The following GPC5 variants were observed in gnomAD, a reference collection of about 807,000 sequenced individuals.
GPC5 encodes glypican-5.
Under a neutral mutation model 53.9 loss-of-function variants are expected in GPC5, and 47 were observed. The observed-to-expected ratio is 0.87, with a 90% CI of 0.69 to 1.11. The LOEUF (loss-of-function observed/expected upper bound fraction) is 1.11. Ranked by LOEUF, GPC5 falls within the 50% of genes most tolerant of loss-of-function variation. The probability of loss-of-function intolerance (pLI) is 0.00; values close to 1 mark genes in which losing one functional copy is unlikely to be tolerated. For synonymous variants in GPC5, 286 were observed against 263.3 expected, an observed-to-expected ratio of 1.09 and a Z score of -0.84; for missense variants, 748 against 713.1, an observed-to-expected ratio of 1.05 and a Z score of -0.56.
At chr13:92,497,907 A>G (rs1243341364) in intron 7 of GPC5, among the ~76,000 whole-genome samples, 23 of 151,942 alleles carry the variant, frequency 1.5e-4, no homozygotes, top group Admixed American at 1.4e-3. Flanking sequence ...TATTCTTGGT[A>G]TATAGGAATG....
chr13:91,872,133 A>G (rs1055453717), intron 5 of GPC5, among the ~76,000 whole-genome samples: 15 of 152,120 alleles, frequency 9.9e-5, no homozygotes, highest in Non-Finnish European at 1.9e-4. Context: ...ACTAGAAGAC[A>G]GTGACAGTGC....
intron 2 of GPC5, among the ~76,000 whole-genome samples, chr13:91,572,063 A>ATG (rs1177720739): frequency 7.7e-6 from 1 of 129,800 alleles, no homozygotes; most frequent in African/African-American, 4.0e-5. Flanking sequence ...GTATATATAC[A>ATG]TGTATATACA....
intron 2 of GPC5, among the ~76,000 whole-genome samples, chr13:91,617,171 T>C (rs72632629): frequency 0.049 from 7,405 of 152,294 alleles, 374 homozygotes; most frequent in South Asian, 0.23. Flanking sequence ...ACTTTGCCTT[T>C]TAGGTGTTCA....
intron 7 of GPC5, among the ~76,000 whole-genome samples, chr13:92,147,616 C>T (rs1484115130): frequency 6.6e-6 from 1 of 152,008 alleles, no homozygotes; most frequent in Non-Finnish European, 1.5e-5. Context: ...ACCTGGGTTT[C>T]AATTACTGCT....
At chr13:91,924,692 GATTATGCCACTGC>G (rs2039749829) in intron 6 of GPC5, among the ~76,000 whole-genome samples, 1 of 152,224 alleles carries the variant, frequency 6.6e-6, no homozygotes, top group Admixed American at 6.5e-5. Context: ...GGTGAGCCGT[GATTATGCCACTGC>G]ATTCCAGCCT....
rs1255625023 is a variant in GPC5, at chr13:92,246,537, A to G, written c.1561+101548A>G. 7.9e-5 allele frequency among the ~76,000 whole-genome samples: 12 copies of G among 152,106 alleles called. No individual in the cohort carries two copies. The South Asian group carries it at 1.2e-3, about 16-fold the overall frequency. ...TTTACAAACCATCCTGTCAGTAGAT[A>G]TTATTGCCATACAGAAGACTTGGAA... On this transcript the variant is annotated intron_variant, in intron 7 of 7. Transcript: ENST00000377067.
chr13:92,072,851 A>G (rs1378634475), intron 6 of GPC5, among the ~76,000 whole-genome samples: 2 of 152,160 alleles, frequency 1.3e-5, no homozygotes, highest in Non-Finnish European at 1.5e-5. Context: ...GATTACAGGC[A>G]TGAAGCACCA....
At chr13:92,527,114 AAG>A (rs1491308293) in intron 7 of GPC5, among the ~76,000 whole-genome samples, 1 of 68,916 alleles carries the variant, frequency 1.5e-5, no homozygotes, top group African/African-American at 5.5e-5. Flanking sequence ...AGAAAAAAGA[AAG>A]AAAGAAAGAA....
At chr13:91,541,449 A>G (rs1384540565) in intron 2 of GPC5, among the ~76,000 whole-genome samples, 1 of 152,122 alleles carries the variant, frequency 6.6e-6, no homozygotes, top group Non-Finnish European at 1.5e-5. Flanking sequence ...ACTAGGTTTC[A>G]TGTGAGGGCA....
chr13:91,612,195 G>A (rs1228207782), intron 2 of GPC5, among the ~76,000 whole-genome samples: 1 of 152,140 alleles, frequency 6.6e-6, no homozygotes, highest in African/African-American at 2.4e-5. Flanking sequence ...ATCTCTTCTT[G>A]TAAGTGATAA....
In GPC5 at chr13:91,974,073, C is replaced by G. The variant is rs550177284; in HGVS notation, c.1401+66016C>G. On this transcript the variant is annotated intron_variant, in intron 6 of 7. Transcript: ENST00000377067. ...CTGTCTTTTCGTTTGTCTTTGCCCT[C>G]CCCCAGAGGTGGAATCTACAGAGGC... Among the ~76,000 whole-genome samples the G allele has an allele frequency of 2.0e-5, 3 of 152,300 alleles. No homozygotes were observed. In the East Asian group the frequency reaches 5.8e-4, roughly 29 times the overall value.
At chr13:91,546,181 G>A (rs2030277553) in intron 2 of GPC5, among the ~76,000 whole-genome samples, 1 of 151,960 alleles carries the variant, frequency 6.6e-6, no homozygotes, top group African/African-American at 2.4e-5. Flanking sequence ...CTGCCTTTCT[G>A]GCTACCTATC....
chr13:91,398,869 C>A lies in GPC5; in HGVS notation c.-178C>A. On this transcript the variant is annotated 5_prime_UTR_variant, in exon 1 of 8. Coordinates refer to ENST00000377067, the MANE Select transcript of GPC5 (RefSeq NM_004466.6). ...CTGGTGTCTCAGCTTAGGGCCTCCT[C>A]CGGGAAGAGCTAACTGCTCCCAGGT... 1 of 665,272 alleles carries A rather than the reference C, an allele frequency of 1.5e-6. No homozygotes were observed. Among genetic ancestry groups the A allele is most frequent in the South Asian group, 2.1e-5 (1 of 46,876 alleles). 41.2% of individuals were successfully genotyped at this position (665,272 alleles called of 1,614,324 possible).
chr13:92,381,889 T>TAATATATATCATATATATGA (rs753025655), intron 7 of GPC5, among the ~76,000 whole-genome samples: 1 of 122,174 alleles, frequency 8.2e-6, no homozygotes, highest in Non-Finnish European at 1.7e-5. Flanking sequence ...ATTATATATA[T>TAATATATATCATATATATGA]TATATATAAT....
intron 7 of GPC5, among the ~76,000 whole-genome samples, chr13:92,363,462 C>A (rs1299288591): frequency 6.6e-6 from 1 of 151,666 alleles, no homozygotes; most frequent in Admixed American, 6.6e-5. Flanking sequence ...AGATTAGATT[C>A]TCATAAGGAG....
chr13:92,274,359 C>G (rs2042860582), intron 7 of GPC5, among the ~76,000 whole-genome samples: 1 of 152,104 alleles, frequency 6.6e-6, no homozygotes, highest in African/African-American at 2.4e-5. Flanking sequence ...CTTCTCACCT[C>G]TGTGTATTTT....
At chr13:91,695,618 G>A (rs990813081) in intron 3 of GPC5, among the ~76,000 whole-genome samples, 2 of 151,946 alleles carry the variant, frequency 1.3e-5, no homozygotes, top group Non-Finnish European at 2.9e-5. Context: ...CTCGTGACCT[G>A]CCCGCCTCGG....
intron 6 of GPC5, among the ~76,000 whole-genome samples, chr13:92,058,086 A>G (rs1293937821): frequency 6.6e-6 from 1 of 152,218 alleles, no homozygotes; most frequent in Non-Finnish European, 1.5e-5. Flanking sequence ...CACATGAAGA[A>G]GATTGAATCT....
chr13:91,511,361 G>A (rs578052662), intron 2 of GPC5, among the ~76,000 whole-genome samples: 15 of 151,906 alleles, frequency 9.9e-5, no homozygotes, highest in African/African-American at 3.6e-4. Flanking sequence ...CCATTATTTG[G>A]CTTCTCTTAA....
Sources: gnomAD v4.1 joint callset for allele counts (sites outside exome capture counted in the v4.1 genomes callset) on GRCh38, gnomAD v4.1.1 for gene constraint, MANE v1.5 for transcripts, NCBI Gene and HGNC (gene_info 2026-07-23, HGNC 2026-07-21) for gene names.